Variants in SLC35F2 observed in about 807,000 individuals in gnomAD.
SLC35F2 encodes queuine/queuosine transporter SLC35F2.
Under a neutral mutation model 38.1 loss-of-function variants are expected in SLC35F2, and 25 were observed. That is an observed-to-expected ratio of 0.66 (90% CI 0.48 to 0.92). The LOEUF (loss-of-function observed/expected upper bound fraction) is 0.92, where lower values mean the gene tolerates loss of function less well. Ranked by LOEUF, SLC35F2 falls within the 40% of genes least tolerant of loss-of-function variation. The pLI is 0.00. For synonymous variants in SLC35F2, 173 were observed against 181.7 expected, an observed-to-expected ratio of 0.95 and a Z score of 0.38; for missense variants, 409 against 452.9, an observed-to-expected ratio of 0.90 and a Z score of 0.88.
chr11:107,844,352 C>G (rs2134849883), intron 1 of SLC35F2, among the ~76,000 whole-genome samples: 1 of 152,070 alleles, frequency 6.6e-6, no homozygotes, highest in South Asian at 2.1e-4. Flanking sequence ...TAAGGGCCAG[C>G]CACGGTGGCT....
chr11:107,800,282 C>G (rs922409493), intron 7 of SLC35F2, among the ~76,000 whole-genome samples: 1 of 151,012 alleles, frequency 6.6e-6, no homozygotes, highest in African/African-American at 2.5e-5. Context: ...AAGATAACAG[C>G]TGGTTCCTTC....
intron 1 of SLC35F2, among the ~76,000 whole-genome samples, chr11:107,819,933 G>C (rs1344299229): frequency 2.0e-5 from 3 of 152,134 alleles, no homozygotes; most frequent in African/African-American, 7.2e-5. Flanking sequence ...AGGCAGAAGA[G>C]ATCAGTGCTC....
At chr11:107,805,056 G>T in intron 5 of SLC35F2, 1 of 985,194 alleles carries the variant, frequency 1.0e-6, no homozygotes, top group Non-Finnish European at 1.2e-6. Flanking sequence ...AAGTTAATGT[G>T]TTAATATTTT....
chr11:107,843,871 AT>A (rs1860059513), intron 1 of SLC35F2, among the ~76,000 whole-genome samples: 47 of 39,674 alleles, frequency 1.2e-3, no homozygotes, highest in African/African-American at 4.3e-3. Context: ...AAAAAAAAAT[AT>A]ATATATATAT....
At chr11:107,839,309 A>G (rs897527005) in intron 1 of SLC35F2, among the ~76,000 whole-genome samples, 4 of 152,072 alleles carry the variant, frequency 2.6e-5, no homozygotes, top group Non-Finnish European at 1.5e-5. Context: ...AAAAACATGA[A>G]AATTAGCTGG....
intron 3 of SLC35F2, chr11:107,809,812 A>G (rs1357354600): frequency 1.0e-6 from 1 of 985,166 alleles, no homozygotes; most frequent in Non-Finnish European, 1.2e-6. Context: ...TAGAAGAGAA[A>G]ATGAAAATTG....
intron 1 of SLC35F2, among the ~76,000 whole-genome samples, chr11:107,845,187 T>A (rs529199822): frequency 1.3e-5 from 2 of 152,266 alleles, no homozygotes; most frequent in South Asian, 4.1e-4. Flanking sequence ...CACAATTCTC[T>A]GGGAAGATCT....
At chr11:107,798,651 A>G (rs751825806) in intron 7 of SLC35F2, among the ~76,000 whole-genome samples, 2 of 152,262 alleles carry the variant, frequency 1.3e-5, no homozygotes, top group Non-Finnish European at 2.9e-5. Context: ...AGAGTGCTTA[A>G]GGGACACGGA....
chr11:107,801,764 A>G (rs1320389491), intron 7 of SLC35F2, among the ~76,000 whole-genome samples: 1 of 152,228 alleles, frequency 6.6e-6, no homozygotes, highest in African/African-American at 2.4e-5. Flanking sequence ...TGCAATCATA[A>G]GCTTGAGACT....
rs11212406 is a variant in SLC35F2 at position 107,841,490 on chromosome 11, G to A, written c.110+17168C>T. ...AGGCAGGATAATTGCTTGAATCCAG[G>A]AGGCGGAGGCCACAGTGAGCGGAGA... On this transcript the variant is annotated intron_variant, in intron 1 of 7. Coordinates refer to ENST00000525815, the MANE Select transcript of SLC35F2 (RefSeq NM_017515.5). Among the ~76,000 whole-genome samples, 1,163 of 150,052 alleles carry A rather than the reference G, an allele frequency of 7.8e-3. 16 individuals are homozygous for A. The highest frequency in any genetic ancestry group is 0.027 in the African/African-American group (1,098 of 40,830).
At chr11:107,799,812 C>T (rs1166102545) in intron 7 of SLC35F2, among the ~76,000 whole-genome samples, 1 of 151,908 alleles carries the variant, frequency 6.6e-6, no homozygotes, top group African/African-American at 2.4e-5. Context: ...TCGTGATCTG[C>T]CCGCCTTGGC....
At chr11:107,814,451 C>G (rs1859530991) in intron 2 of SLC35F2, among the ~76,000 whole-genome samples, 2 of 147,450 alleles carry the variant, frequency 1.4e-5, no homozygotes, top group Non-Finnish European at 3.0e-5. Flanking sequence ...CAGAGCAAGA[C>G]TCTGCCTCAA....
At position 107,843,863 on chromosome 11, in the gene SLC35F2, AAAAAAATATATATATATATAT is replaced by A. The variant is rs1386125401; in HGVS notation, c.110+14774_110+14794del. On this transcript the variant is annotated intron_variant, in intron 1 of 7. Transcript: ENST00000525815. ...CTGTATCTTAAAAAAAAAAAAAAAA[AAAAAAATATATATATATATAT>A]ATATATATATATATATATATATATG... Among the ~76,000 whole-genome samples the A allele has an allele frequency of 1.4e-3, 47 of 33,764 alleles. 1 individual carries two copies. The highest frequency in any genetic ancestry group is 4.8e-3 in the African/African-American group (45 of 9,430). 22.2% of individuals were successfully genotyped at this position (33,764 alleles called of 152,430 possible). A position where few individuals can be genotyped will look rare whatever the true frequency, so the allele number is the denominator to read the frequency against.
At chr11:107,808,213 T>C (rs957478281) in intron 3 of SLC35F2, among the ~76,000 whole-genome samples, 1 of 151,994 alleles carries the variant, frequency 6.6e-6, no homozygotes, top group Admixed American at 6.6e-5. Flanking sequence ...CTCTTGCTCA[T>C]CCTCCTCACA....
intron 1 of SLC35F2, among the ~76,000 whole-genome samples, chr11:107,840,085 G>A (rs1363590453): frequency 6.6e-6 from 1 of 152,002 alleles, no homozygotes; most frequent in East Asian, 1.9e-4. Context: ...TGGAGTATGT[G>A]GCCTCTGCCT....
In SLC35F2 at chr11:107,810,968, GA is replaced by G. The variant is rs200190165; in HGVS notation, c.414+698del. 3.4e-3 allele frequency: 3,296 copies of G among 979,914 alleles called. 72 individuals carry two copies. In the African/African-American group the frequency reaches 0.048, roughly 14 times the overall value. 60.7% of individuals were successfully genotyped at this position (979,914 alleles called of 1,614,324 possible). A position where few individuals can be genotyped will look rare whatever the true frequency, so the allele number is the denominator to read the frequency against. ...ACTTTTTTTTATTATTTAAAAAAAT[GA>G]AAAAAAAGTTATAAACAAACTGTGA... On this transcript the variant is annotated intron_variant, in intron 3 of 7. Coordinates refer to ENST00000525815, the MANE Select transcript of SLC35F2 (RefSeq NM_017515.5).
intron 1 of SLC35F2, chr11:107,821,713 G>C: frequency 1.4e-6 from 1 of 737,346 alleles, no homozygotes; most frequent in Non-Finnish European, 1.7e-6. Flanking sequence ...ATCCTGTCCC[G>C]GTTTTACTAA....
intron 1 of SLC35F2, among the ~76,000 whole-genome samples, chr11:107,841,459 A>G (rs1009688118): frequency 6.7e-6 from 1 of 149,332 alleles, no homozygotes; most frequent in Admixed American, 6.8e-5. Flanking sequence ...ACTCCTCAGG[A>G]GGCTGAGGCA....
chr11:107,804,916 T>C (rs1859369706), intron 5 of SLC35F2, 146 bp from the exon 6 acceptor site: 1 of 1,176,458 alleles, frequency 8.5e-7, no homozygotes, highest in South Asian at 1.5e-5. Context: ...CGATCTTTAA[T>C]AAAAATGACA....
Sources: allele counts gnomAD v4.1 joint callset (sites outside exome capture counted in the v4.1 genomes callset), GRCh38; gene constraint gnomAD v4.1.1; transcripts MANE v1.5; gene names NCBI Gene and HGNC (gene_info 2026-07-23, HGNC 2026-07-21).